The following TRAF5 variants were observed in gnomAD, a reference collection of about 807,000 sequenced individuals.
TRAF5 encodes TNF receptor associated factor 5.
Under a neutral mutation model 64.5 loss-of-function variants are expected in TRAF5, and 48 were observed. The ratio of observed to expected loss-of-function variants is 0.74; its 90% CI spans 0.59 to 0.95. The LOEUF (loss-of-function observed/expected upper bound fraction) is 0.95. Among genes scored for constraint, TRAF5 ranks in the 40% least tolerant of loss-of-function variants. TRAF5 has a pLI of 0.00. For synonymous variants in TRAF5, 206 were observed against 240.5 expected, an observed-to-expected ratio of 0.86 and a Z score of 1.33; for missense variants, 545 against 662.8, an observed-to-expected ratio of 0.82 and a Z score of 1.95.
At chr1:211,337,034 G>A (rs1171871815) in intron 1 of TRAF5, among the ~76,000 whole-genome samples, 5 of 152,220 alleles carry the variant, frequency 3.3e-5, no homozygotes, top group African/African-American at 7.2e-5. Context: ...ACCTGGCCAC[G>A]TGCACTGTTT....
At chr1:211,344,073 G>GA (rs1206491701) in intron 1 of TRAF5, among the ~76,000 whole-genome samples, 1 of 152,214 alleles carries the variant, frequency 6.6e-6, no homozygotes, top group Non-Finnish European at 1.5e-5. Context: ...GAGTCAGGTA[G>GA]ACTCTACATG....
intron 1 of TRAF5, among the ~76,000 whole-genome samples, chr1:211,329,278 C>T (rs190721285): frequency 2.6e-5 from 4 of 152,282 alleles, no homozygotes; most frequent in East Asian, 1.9e-4. Flanking sequence ...ATTCAGGGTA[C>T]GTCTCCCTTG....
chr1:211,328,628 T>C (rs1036259942), intron 1 of TRAF5, among the ~76,000 whole-genome samples: 2 of 152,146 alleles, frequency 1.3e-5, no homozygotes, highest in African/African-American at 4.8e-5. Context: ...TGGGGATGAT[T>C]TGCACAGTCG....
Position 211,371,364 on chromosome 1 carries a change from A to G in TRAF5, c.993A>G (p.Gln331=), listed in dbSNP as rs1703514413. The part of the protein sequence containing the change: ...WLEAQVHQLL[Q]MVNQQQNKFD... ...AAGCTCAAGTGCATCAATTATTACA[A>G]ATGGTTAACCAGCAACAAAATAAAT... The change falls in exon 10 of 11, where the codon CAA becomes CAG. Residue 331 remains glutamine (Q), a synonymous_variant. Coordinates refer to ENST00000261464, the MANE Select transcript of TRAF5 (RefSeq NM_001033910.3). 1.2e-6 allele frequency: 2 copies of G among 1,611,416 alleles called. No homozygotes were observed. The highest frequency in any genetic ancestry group is 8.5e-7 in the Non-Finnish European group (1 of 1,179,640).
At chr1:211,366,516 T>C (rs1703360253) in intron 8 of TRAF5, among the ~76,000 whole-genome samples, 1 of 152,222 alleles carries the variant, frequency 6.6e-6, no homozygotes, top group Non-Finnish European at 1.5e-5. Flanking sequence ...TTGTAGGACA[T>C]GCTGTAACTC....
At position 211,365,392 on chromosome 1, in the gene TRAF5, T is replaced by C; in HGVS notation, c.713T>C (p.Leu238Pro). ...ATATTGAAGGATAAACGGAGGAACC[T>C]GCAGCAACATGAGCATTCAGCCTTA... ...GCAVTDKRRNLQQHEHSALRE... is the reference protein window; with the variant it reads ...GCAVTDKRRNPQQHEHSALRE... The change falls in exon 8 of 11, where the codon CTG (leucine) becomes CCG (proline). Residue 238 changes from leucine to proline, a missense_variant. Physicochemically the swap from Leu to Pro is moderately conservative, Grantham distance 98. Transcript: ENST00000261464. 2.5e-6 allele frequency: 4 copies of C among 1,613,762 alleles called. No individual in the cohort carries two copies. The highest frequency in any genetic ancestry group is 2.5e-6 in the Non-Finnish European group (3 of 1,179,850).
chr1:211,361,846 G>A (rs753037804), intron 7 of TRAF5, among the ~76,000 whole-genome samples: 14 of 151,754 alleles, frequency 9.2e-5, no homozygotes, highest in Non-Finnish European at 1.5e-4. Context: ...TCAGGCACCC[G>A]CCATCATGCC....
At chr1:211,369,242 T>G in intron 8 of TRAF5, 2 of 387,272 alleles carry the variant, frequency 5.2e-6, no homozygotes, top group Non-Finnish European at 9.0e-6. Flanking sequence ...AAAAGGCTGA[T>G]GAGAAATTCT....
In TRAF5 at chr1:211,354,344, G is replaced by T. The variant is rs1282360299; in HGVS notation, c.219-66G>T. 2.0e-6 allele frequency: 3 copies of T among 1,508,120 alleles called. No homozygotes were observed. The African/African-American group carries it at 4.1e-5, about 21-fold the overall frequency. The allele number at this position is 1,508,120 out of a possible 1,614,324, so 93.4% of individuals were successfully genotyped here. A position where few individuals can be genotyped will look rare whatever the true frequency, so the allele number is the denominator to read the frequency against. On this transcript the variant is annotated intron_variant, in intron 2 of 10. Coordinates refer to ENST00000261464, the MANE Select transcript of TRAF5 (RefSeq NM_001033910.3). The stretch of plus-strand genomic sequence containing the variant: ...GCTAGAGCATGGCTGGAGCCCTGGG[G>T]CTGGTCTTGGAAATGCTGTTGAGGT...
intron 1 of TRAF5, among the ~76,000 whole-genome samples, chr1:211,342,462 C>G (rs1702473428): frequency 6.6e-6 from 1 of 152,126 alleles, no homozygotes; most frequent in African/African-American, 2.4e-5. Context: ...TCCATTATCT[C>G]AAGCATGTAT....
At chr1:211,339,644 T>A (rs1702392477) in intron 1 of TRAF5, among the ~76,000 whole-genome samples, 1 of 152,020 alleles carries the variant, frequency 6.6e-6, no homozygotes, top group Non-Finnish European at 1.5e-5. Context: ...GGCCCTTGAG[T>A]CCCAACAGCC....
In TRAF5 at chr1:211,349,324, T is replaced by C. The variant is rs142398834; in HGVS notation, c.-1-3915T>C. On this transcript the variant is annotated intron_variant, in intron 1 of 10. Transcript: ENST00000261464. ...ATGTATTTCTCACAGTTCTGAAGGC[T>C]GAGAAGTCCACAATCAAGACACCAG... Among the ~76,000 whole-genome samples the C allele has an allele frequency of 4.3e-4, 65 of 152,370 alleles. 4 individuals are homozygous for C. The East Asian group carries it at 0.012, about 29-fold the overall frequency.
chr1:211,362,867 CA>C (rs869200427), intron 7 of TRAF5, among the ~76,000 whole-genome samples: 2 of 149,578 alleles, frequency 1.3e-5, no homozygotes, highest in African/African-American at 2.5e-5. Flanking sequence ...TATGATCAGA[CA>C]AAAAAAAGGG....
chr1:211,342,405 G>T (rs969322313), intron 1 of TRAF5, among the ~76,000 whole-genome samples: 2 of 151,708 alleles, frequency 1.3e-5, no homozygotes, highest in Non-Finnish European at 2.9e-5. Flanking sequence ...GAGATATTTT[G>T]ATATGGGCAT....
chr1:211,369,794 C>T (rs1019598363), intron 9 of TRAF5, among the ~76,000 whole-genome samples: 1 of 152,178 alleles, frequency 6.6e-6, no homozygotes, highest in Non-Finnish European at 1.5e-5. Flanking sequence ...CATTCATGCT[C>T]CCCTCCACTG....
At chr1:211,363,567 A>G (rs1460864467) in intron 7 of TRAF5, among the ~76,000 whole-genome samples, 1 of 152,196 alleles carries the variant, frequency 6.6e-6, no homozygotes, top group East Asian at 1.9e-4. Flanking sequence ...CTTTTATTTT[A>G]AAAACCATTT....
intron 1 of TRAF5, among the ~76,000 whole-genome samples, chr1:211,329,086 C>T (rs1012731027): frequency 2.0e-5 from 3 of 152,154 alleles, no homozygotes; most frequent in Non-Finnish European, 4.4e-5. Context: ...GGTCTGTCCC[C>T]AGCAACATGG....
chr1:211,331,913 T>C (rs184180970), intron 1 of TRAF5, among the ~76,000 whole-genome samples: 16 of 152,304 alleles, frequency 1.1e-4, no homozygotes, highest in African/African-American at 3.6e-4. Flanking sequence ...GTGATCTGCC[T>C]GCCTTGGCCT....
chr1:211,327,326 A>C (rs1258589935), intron 1 of TRAF5, among the ~76,000 whole-genome samples: 1 of 152,120 alleles, frequency 6.6e-6, no homozygotes, highest in African/African-American at 2.4e-5. Flanking sequence ...CCCCTTCCGC[A>C]CCCGAAGGCA....
Sources: gnomAD v4.1 joint callset for allele counts (sites outside exome capture counted in the v4.1 genomes callset) on GRCh38, gnomAD v4.1.1 for gene constraint, MANE v1.5 for transcripts, NCBI Gene and HGNC (gene_info 2026-07-23, HGNC 2026-07-21) for gene names.